The following ROBO2 variants were observed in gnomAD, a reference collection of about 807,000 sequenced individuals.
ROBO2 encodes the protein roundabout homolog 2.
A neutral mutation model predicts 160.8 loss-of-function variants in ROBO2; 53 were observed. The observed-to-expected ratio is 0.33, with a 90% CI of 0.26 to 0.41. The LOEUF is 0.41. ROBO2 is among the 10% of genes least tolerant of loss of function. The pLI is 1.00. For missense variants in ROBO2, 1,577 were observed against 1,722.4 expected (o/e 0.92, Z 1.49); for synonymous variants, 664 against 611.7 (o/e 1.09, Z -1.26).
intron 2 of ROBO2, among the ~76,000 whole-genome samples, chr3:76,940,036 C>T (rs1197630352): frequency 7.5e-6 from 1 of 132,660 alleles, no homozygotes; most frequent in Admixed American, 8.9e-5. Context: ...GGCTGGGGTG[C>T]GGTGGCGCTA....
At chr3:76,965,114 G>A (rs1390070791) in intron 2 of ROBO2, among the ~76,000 whole-genome samples, 1 of 152,162 alleles carries the variant, frequency 6.6e-6, no homozygotes, top group Admixed American at 6.5e-5. Flanking sequence ...TCAGCAAAAG[G>A]CTTGAGCTGA....
chr3:77,515,832 A>G (rs910561006), intron 5 of ROBO2, among the ~76,000 whole-genome samples: 2 of 151,702 alleles, frequency 1.3e-5, no homozygotes, highest in African/African-American at 4.8e-5. Flanking sequence ...ATTCCAGGGC[A>G]CTGGATAACA....
intron 2 of ROBO2, among the ~76,000 whole-genome samples, chr3:76,942,690 C>T (rs73104451): frequency 0.016 from 2,406 of 152,134 alleles, 29 homozygotes; most frequent in Non-Finnish European, 0.023. Flanking sequence ...TCAGGAAGAC[C>T]GGAAGTCTAA....
At chr3:76,675,150 GTC>G (rs1426477301) in intron 2 of ROBO2, among the ~76,000 whole-genome samples, 2 of 152,262 alleles carry the variant, frequency 1.3e-5, no homozygotes, top group East Asian at 1.9e-4. Context: ...TTAGTTGCAT[GTC>G]TCTCTGACTA....
Position 77,040,136 on chromosome 3 carries a change from T to G in ROBO2, c.-650T>G. ...GATTCTCCACCCGAATCGTCCTGAT[T>G]TCCCTTCTCCTCTCTTTTGGAAACC... On this transcript the variant is annotated 5_prime_UTR_variant, in exon 1 of 26. The change creates a new upstream start codon in the 5' untranslated region. Transcript: ENST00000461745. 1.0e-6 allele frequency: 1 copy of G among 985,254 alleles called. No individual in the cohort carries two copies. Among genetic ancestry groups the G allele is most frequent in the Non-Finnish European group, 1.2e-6 (1 of 829,968 alleles). The allele number at this position is 985,254 out of a possible 1,614,324, so 61.0% of individuals were successfully genotyped here.
In ROBO2 at chr3:76,687,485, G is replaced by A. The variant is rs768403492; in HGVS notation, c.110-410529G>A. Among the ~76,000 whole-genome samples, 6 of 151,972 alleles carry A rather than the reference G, an allele frequency of 3.9e-5. No individual in the cohort carries two copies. In the South Asian group the frequency reaches 1.2e-3, roughly 31 times the overall value. ...AGGGCCTTAAAGATGACAGTCACAT[G>A]ATCAAAAAGAAAGATTTTAAAAAAT... On this transcript the variant is annotated intron_variant, in intron 2 of 26. Transcript: ENST00000487694.
chr3:75,953,385 G>C (rs1948619259), intron 2 of ROBO2, among the ~76,000 whole-genome samples: 2 of 151,748 alleles, frequency 1.3e-5, no homozygotes, highest in Non-Finnish European at 2.9e-5. Flanking sequence ...ATCCATATTT[G>C]ACAGCTGTAT....
chr3:76,803,084 A>G (rs2064351471), intron 2 of ROBO2, among the ~76,000 whole-genome samples: 2 of 152,152 alleles, frequency 1.3e-5, no homozygotes, highest in South Asian at 4.1e-4. Flanking sequence ...TTTGCTGAAA[A>G]CAATTGTGAT....
At chr3:77,086,541 C>A (rs1275716887) in intron 1 of ROBO2, among the ~76,000 whole-genome samples, 2 of 152,120 alleles carry the variant, frequency 1.3e-5, no homozygotes, top group African/African-American at 2.4e-5. Flanking sequence ...ATTTTGCATC[C>A]GGTGCCTGCA....
intron 2 of ROBO2, among the ~76,000 whole-genome samples, chr3:76,322,203 T>TATAA (rs1349372355): frequency 4.3e-5 from 5 of 116,100 alleles, no homozygotes; most frequent in African/African-American, 1.4e-4. Context: ...TATATATATA[T>TATAA]AATATACACA....
chr3:75,954,201 CTCTG>C (rs1357656372), intron 2 of ROBO2, among the ~76,000 whole-genome samples: 2 of 151,802 alleles, frequency 1.3e-5, no homozygotes, highest in Non-Finnish European at 1.5e-5. Flanking sequence ...TTTTCTTCTT[CTCTG>C]TATTTGTTCC....
At chr3:77,475,414 C>G (rs950139661) in intron 2 of ROBO2, among the ~76,000 whole-genome samples, 3 of 152,020 alleles carry the variant, frequency 2.0e-5, no homozygotes, top group African/African-American at 4.8e-5. Context: ...TCCTACATGT[C>G]AAAGGACCTT....
At chr3:77,277,398 A>G (rs1422453379) in intron 2 of ROBO2, among the ~76,000 whole-genome samples, 2 of 151,756 alleles carry the variant, frequency 1.3e-5, no homozygotes, top group African/African-American at 2.4e-5. Context: ...TCCACCCATC[A>G]CCTAGGTATT....
In ROBO2 at chr3:77,359,388, C is replaced by T. The variant is rs548083211; in HGVS notation, c.389-118026C>T. Among the ~76,000 whole-genome samples, 17 of 152,224 alleles carry T rather than the reference C, an allele frequency of 1.1e-4. 1 individual carries two copies. Among genetic ancestry groups the T allele is most frequent in the Admixed American group, 5.9e-4 (9 of 15,290 alleles). ...AGAACCATATAGCATAAAACTGAAA[C>T]GCAGAGAACAGATAAATGTATGTGT... On this transcript the variant is annotated intron_variant, in intron 2 of 25. Coordinates refer to ENST00000461745, the Ensembl canonical transcript of ROBO2.
chr3:77,515,263 C>T (rs1008482577), intron 5 of ROBO2, among the ~76,000 whole-genome samples: 5 of 151,490 alleles, frequency 3.3e-5, no homozygotes, highest in Non-Finnish European at 5.9e-5. Flanking sequence ...TAGCGACTGC[C>T]ATAGTGGGTC....
At chr3:76,477,564 T>C (rs1489987529) in intron 2 of ROBO2, among the ~76,000 whole-genome samples, 3 of 152,178 alleles carry the variant, frequency 2.0e-5, no homozygotes, top group African/African-American at 7.2e-5. Flanking sequence ...ATTATACCTC[T>C]AGTTTCTCTG....
intron 2 of ROBO2, among the ~76,000 whole-genome samples, chr3:76,794,672 A>G (rs541973590): frequency 6.6e-6 from 1 of 152,188 alleles, no homozygotes; most frequent in African/African-American, 2.4e-5. Flanking sequence ...AAATACAGGT[A>G]GCAATATAAA....
At chr3:76,359,842 G>A (rs2075400107) in intron 2 of ROBO2, among the ~76,000 whole-genome samples, 1 of 151,962 alleles carries the variant, frequency 6.6e-6, no homozygotes, top group Middle Eastern at 3.4e-3. Context: ...AAATGTACAG[G>A]AAGCCAGTAT....
intron 2 of ROBO2, among the ~76,000 whole-genome samples, chr3:77,323,686 A>G (rs543193759): frequency 6.6e-6 from 1 of 152,244 alleles, no homozygotes; most frequent in East Asian, 1.9e-4. Context: ...TTTAAAGATG[A>G]AACTCCTGAA....
Sources: allele counts gnomAD v4.1 joint callset (sites outside exome capture counted in the v4.1 genomes callset), GRCh38; gene constraint gnomAD v4.1.1; transcripts MANE v1.5; gene names NCBI Gene and HGNC (gene_info 2026-07-23, HGNC 2026-07-21).